The following ARB2A variants were observed in gnomAD, a reference collection of about 807,000 sequenced individuals.
The protein encoded by ARB2A is ARB2 cotranscriptional regulator A.
the ARB2A span, among the ~76,000 whole-genome samples, chr5:93,751,751 C>T: frequency 2.6e-5 from 4 of 152,188 alleles, no homozygotes; most frequent in East Asian, 1.9e-4. Flanking sequence ...TCTTTGAAGA[C>T]GTATGTTTTG....
At chr5:93,711,430 C>T in the ARB2A span, among the ~76,000 whole-genome samples, 1 of 152,110 alleles carries the variant, frequency 6.6e-6, no homozygotes, top group South Asian at 2.1e-4. Flanking sequence ...TTTTATGTTT[C>T]CTTTACCCTC....
the ARB2A span, among the ~76,000 whole-genome samples, chr5:93,885,626 G>A: frequency 6.6e-6 from 1 of 151,520 alleles, no homozygotes; most frequent in Non-Finnish European, 1.5e-5. Flanking sequence ...CAGTCTAGTA[G>A]AAATTAAGGT....
chr5:93,942,914 T>C, the ARB2A span, among the ~76,000 whole-genome samples: 6 of 152,120 alleles, frequency 3.9e-5, no homozygotes, highest in African/African-American at 1.4e-4. Flanking sequence ...CTGGTAACTC[T>C]TAGACATCAT....
chr5:93,767,519 C>T, the ARB2A span, among the ~76,000 whole-genome samples: 1 of 152,138 alleles, frequency 6.6e-6, no homozygotes, highest in East Asian at 1.9e-4. Context: ...GAATCCCACT[C>T]CTGGGTATCT....
chr5:93,744,559 T>C, the ARB2A span, among the ~76,000 whole-genome samples: 4 of 151,600 alleles, frequency 2.6e-5, no homozygotes, highest in African/African-American at 9.7e-5. Context: ...CATCTACCAA[T>C]GTGCATATCT....
the ARB2A span, chr5:94,055,610 T>G: frequency 5.1e-6 from 5 of 984,746 alleles, no homozygotes; most frequent in Admixed American, 2.5e-4. Context: ...ATACTGGGTT[T>G]AAAAAGGGAC....
the ARB2A span, among the ~76,000 whole-genome samples, chr5:94,062,301 G>C: frequency 2.6e-5 from 4 of 152,174 alleles, no homozygotes; most frequent in East Asian, 1.9e-4. Context: ...AGGCTGCCTA[G>C]AGGCATTTGG....
At chr5:93,674,492 G>A in the ARB2A span, among the ~76,000 whole-genome samples, 1 of 152,130 alleles carries the variant, frequency 6.6e-6, no homozygotes, top group Admixed American at 6.5e-5. Flanking sequence ...CTCACTTATC[G>A]ACTCAAGAGG....
chr5:94,109,227 G>C, the ARB2A span, among the ~76,000 whole-genome samples: 1 of 152,204 alleles, frequency 6.6e-6, no homozygotes, highest in Non-Finnish European at 1.5e-5. Flanking sequence ...ACCTAGAGTA[G>C]TCAAATTCAT....
chr5:93,758,579 A>T, the ARB2A span, among the ~76,000 whole-genome samples: 2 of 152,152 alleles, frequency 1.3e-5, no homozygotes, highest in African/African-American at 4.8e-5. Flanking sequence ...CTGAAAATCA[A>T]CTCCAAAAGG....
the ARB2A span, chr5:93,863,863 A>T: frequency 1.3e-5 from 2 of 152,110 alleles, no homozygotes; most frequent in Non-Finnish European, 2.9e-5. Context: ...AAATTTTAAA[A>T]TTTTTTGTTT....
At chr5:93,883,539 T>C in the ARB2A span, among the ~76,000 whole-genome samples, 1 of 151,654 alleles carries the variant, frequency 6.6e-6, no homozygotes, top group Non-Finnish European at 1.5e-5. Flanking sequence ...CACTGTCAGG[T>C]AGACAGATTG....
At chr5:93,882,260 G>C in the ARB2A span, among the ~76,000 whole-genome samples, 1 of 151,204 alleles carries the variant, frequency 6.6e-6, no homozygotes, top group Non-Finnish European at 1.5e-5. Context: ...ACATCTACTT[G>C]TGTACCTTGA....
At chr5:94,030,144 C>T in the ARB2A span, among the ~76,000 whole-genome samples, 2 of 152,184 alleles carry the variant, frequency 1.3e-5, no homozygotes, top group African/African-American at 4.8e-5. Context: ...CTACACAACT[C>T]GAGATTTGGG....
the ARB2A span, among the ~76,000 whole-genome samples, chr5:94,029,538 C>G: frequency 1.3e-5 from 2 of 151,926 alleles, no homozygotes; most frequent in Admixed American, 6.6e-5. Flanking sequence ...CAGTCAGATT[C>G]AACTTATAAA....
At chr5:93,671,279 T>A in the ARB2A span, among the ~76,000 whole-genome samples, 1 of 152,268 alleles carries the variant, frequency 6.6e-6, no homozygotes, top group South Asian at 2.1e-4. Flanking sequence ...TACCATCCAT[T>A]TTGTAATCAA....
chr5:93,882,184 T>A, the ARB2A span, among the ~76,000 whole-genome samples: 1 of 151,456 alleles, frequency 6.6e-6, no homozygotes, highest in South Asian at 2.1e-4. Flanking sequence ...GAATAAGCAG[T>A]TAAAAAAGAA....
the ARB2A span, chr5:93,620,696 G>A: frequency 1.1e-5 from 3 of 282,936 alleles, no homozygotes; most frequent in Non-Finnish European, 2.0e-5. Flanking sequence ...AGGGCAATTA[G>A]AGCTTCGCCG....
the ARB2A span, among the ~76,000 whole-genome samples, chr5:93,872,880 G>A: frequency 1.3e-5 from 2 of 151,784 alleles, no homozygotes; most frequent in African/African-American, 2.4e-5. Context: ...TCGCGCCACT[G>A]CACTCCAGCC....
Sources: gnomAD v4.1 joint callset for allele counts (sites outside exome capture counted in the v4.1 genomes callset) on GRCh38, gnomAD v4.1.1 for gene constraint, MANE v1.5 for transcripts, NCBI Gene and HGNC (gene_info 2026-07-23, HGNC 2026-07-21) for gene names.